The following MRPS35 variants were observed in gnomAD, a reference collection of about 807,000 sequenced individuals.
The protein encoded by MRPS35 is small ribosomal subunit protein mS35.
A neutral mutation model predicts 32.7 loss-of-function variants in MRPS35; 29 were observed. That is an observed-to-expected ratio of 0.89 (90% CI 0.66 to 1.21). The LOEUF is 1.21. MRPS35 is among the 50% of genes most tolerant of loss of function. MRPS35 has a pLI of 0.00. For missense variants in MRPS35, 373 were observed against 383.8 expected (o/e 0.97, Z 0.23); for synonymous variants, 148 against 139.3 (o/e 1.06, Z -0.44).
At chr12:27,720,922 C>A (rs2061871568) in intron 4 of MRPS35, among the ~76,000 whole-genome samples, 1 of 151,952 alleles carries the variant, frequency 6.6e-6, no homozygotes, top group South Asian at 2.1e-4. Context: ...AATTTAAGTT[C>A]TGATTGATAG....
intron 4 of MRPS35, 27 bp from the exon 5 acceptor site, chr12:27,724,020 A>C (rs1165251739): frequency 1.2e-6 from 2 of 1,605,390 alleles, no homozygotes. Flanking sequence ...GCAAAAGTGT[A>C]ATTGAAATTA....
intron 1 of MRPS35, among the ~76,000 whole-genome samples, chr12:27,714,445 G>A (rs968246372): frequency 6.6e-6 from 1 of 151,910 alleles, no homozygotes; most frequent in Admixed American, 6.6e-5. Context: ...AATTAGCCAG[G>A]TGTGGTGGGG....
At chr12:27,733,873 C>A (rs905409601) in intron 5 of MRPS35, among the ~76,000 whole-genome samples, 1 of 152,188 alleles carries the variant, frequency 6.6e-6, no homozygotes, top group African/African-American at 2.4e-5. Flanking sequence ...TACAAAAATT[C>A]ACAGTGCTTT....
intron 7 of MRPS35, among the ~76,000 whole-genome samples, chr12:27,744,760 C>T (rs575021204): frequency 6.6e-4 from 101 of 152,318 alleles, no homozygotes; most frequent in South Asian, 1.2e-3. Context: ...AGTGTAACTA[C>T]GTGCCACAGT....
intron 7 of MRPS35, among the ~76,000 whole-genome samples, chr12:27,740,991 A>AC (rs2061962743): frequency 6.6e-6 from 1 of 151,692 alleles, no homozygotes; most frequent in Non-Finnish European, 1.5e-5. Context: ...ACATGATGAA[A>AC]CCCCGTCTCT....
chr12:27,737,530 C>G lies in MRPS35; in HGVS notation c.633-9C>G. ...AGAATTTTGACTTCTCCCGCTTTCTCTTTAATAGGTGCCCTTTAAGGAGGC... is the reference window on the plus strand; with the variant it reads ...AGAATTTTGACTTCTCCCGCTTTCTGTTTAATAGGTGCCCTTTAAGGAGGC... On this transcript the variant is annotated splice_polypyrimidine_tract_variant and intron_variant, in intron 6 of 7. Coordinates refer to ENST00000081029, the MANE Select transcript of MRPS35 (RefSeq NM_021821.4). 6.2e-7 allele frequency: 1 copy of G among 1,611,094 alleles called. No homozygotes were observed. The highest frequency in any genetic ancestry group is 1.1e-5 in the South Asian group (1 of 90,730).
At chr12:27,742,702 G>A (rs1320350612) in intron 7 of MRPS35, among the ~76,000 whole-genome samples, 1 of 152,214 alleles carries the variant, frequency 6.6e-6, no homozygotes, top group Non-Finnish European at 1.5e-5. Flanking sequence ...GCTCGTCGTA[G>A]TGCTTATTTG....
At chr12:27,748,389 T>C (rs527605717) in intron 7 of MRPS35, among the ~76,000 whole-genome samples, 3 of 151,140 alleles carry the variant, frequency 2.0e-5, no homozygotes, top group South Asian at 2.1e-4. Flanking sequence ...TCTTCAGGGG[T>C]TGGGGGTCAG....
intron 7 of MRPS35, 95 bp from the exon 8 acceptor site, chr12:27,755,086 G>C (rs1473283386): frequency 1.0e-6 from 1 of 988,176 alleles, no homozygotes; most frequent in African/African-American, 1.7e-5. Context: ...AAAAAGGAAG[G>C]AAAAAAAAAA....
intron 7 of MRPS35, chr12:27,752,744 T>C (rs551011504): frequency 4.6e-5 from 7 of 152,338 alleles, no homozygotes; most frequent in Non-Finnish European, 1.0e-4. Flanking sequence ...TTTATTCCTT[T>C]CTCAAGTATT....
At chr12:27,747,392 T>C (rs2061985015) in intron 7 of MRPS35, among the ~76,000 whole-genome samples, 1 of 152,230 alleles carries the variant, frequency 6.6e-6, no homozygotes, top group South Asian at 2.1e-4. Flanking sequence ...GAGTATATAT[T>C]CATTCATCTT....
At chr12:27,716,770 T>C (rs1474804779) in intron 3 of MRPS35, among the ~76,000 whole-genome samples, 1 of 152,040 alleles carries the variant, frequency 6.6e-6, no homozygotes, top group Non-Finnish European at 1.5e-5. Flanking sequence ...GGCAGATCAC[T>C]TGAGGTCAGG....
chr12:27,748,646 T>C (rs2061989407), intron 7 of MRPS35, among the ~76,000 whole-genome samples: 1 of 152,106 alleles, frequency 6.6e-6, no homozygotes, highest in Admixed American at 6.6e-5. Flanking sequence ...GCTTTAAAAT[T>C]AATATATTCC....
intron 1 of MRPS35, among the ~76,000 whole-genome samples, chr12:27,711,520 A>C (rs368535371): frequency 8.5e-5 from 13 of 152,276 alleles, no homozygotes; most frequent in African/African-American, 3.1e-4. Flanking sequence ...AGGCGCTGTG[A>C]TAGAAGTGTG....
chr12:27,719,806 A>G lies in MRPS35; in HGVS notation c.322-2A>G. The G allele has an allele frequency of 1.3e-6, 2 of 1,586,642 alleles. No individual in the cohort carries two copies. The highest frequency in any genetic ancestry group is 1.7e-6 in the Non-Finnish European group (2 of 1,157,068). On this transcript the variant is annotated splice_acceptor_variant, in intron 3 of 7. Transcript: ENST00000081029. LOFTEE classifies it high-confidence loss of function. ...TTTATCTTTTAAATTTCTCTATTTA[A>G]GATTCCCAATTTTCTGCATTTGACT...
chr12:27,737,815 C>T (rs535636796), intron 7 of MRPS35, among the ~76,000 whole-genome samples: 1 of 152,260 alleles, frequency 6.6e-6, no homozygotes, highest in East Asian at 1.9e-4. Flanking sequence ...CAGGACCTTG[C>T]TAAAATCATA....
At chr12:27,719,031 G>T (rs2061862184) in intron 3 of MRPS35, among the ~76,000 whole-genome samples, 3 of 152,160 alleles carry the variant, frequency 2.0e-5, no homozygotes, top group Admixed American at 2.0e-4. Flanking sequence ...AGGTTGCAGT[G>T]AGCTGAGATT....
chr12:27,736,144 G>A (rs2061942377), intron 6 of MRPS35, among the ~76,000 whole-genome samples: 1 of 152,144 alleles, frequency 6.6e-6, no homozygotes, highest in Non-Finnish European at 1.5e-5. Flanking sequence ...TCCAAATTAT[G>A]TCAAAATATA....
intron 5 of MRPS35, among the ~76,000 whole-genome samples, chr12:27,733,254 G>A (rs913157306): frequency 6.6e-6 from 1 of 151,982 alleles, no homozygotes; most frequent in Non-Finnish European, 1.5e-5. Flanking sequence ...ACCAGGTGGC[G>A]TGAGTGCACC....
Sources: allele counts gnomAD v4.1 joint callset (sites outside exome capture counted in the v4.1 genomes callset), GRCh38; gene constraint gnomAD v4.1.1; transcripts MANE v1.5; gene names NCBI Gene and HGNC (gene_info 2026-07-23, HGNC 2026-07-21).